The following PVT1 variants were observed in gnomAD, a reference collection of about 807,000 sequenced individuals.
The protein encoded by PVT1 is Pvt1 oncogene.
chr8:127,959,821 G>T (rs74365099), intron 3 of PVT1, among the ~76,000 whole-genome samples: 2,715 of 152,224 alleles, frequency 0.018, 80 homozygotes, highest in African/African-American at 0.063. Context: ...CCCGTCAGGA[G>T]CCCCTGGGTG....
At chr8:127,876,741 A>ACT (rs1815409663) in intron 2 of PVT1, among the ~76,000 whole-genome samples, 1 of 151,666 alleles carries the variant, frequency 6.6e-6, no homozygotes, top group Non-Finnish European at 1.5e-5. Context: ...GTTTTCCACA[A>ACT]CTCCTGTCCT....
At chr8:127,976,617 G>A (rs990234070) in intron 3 of PVT1, among the ~76,000 whole-genome samples, 5 of 152,144 alleles carry the variant, frequency 3.3e-5, no homozygotes, top group African/African-American at 1.2e-4. Context: ...AATAACACCG[G>A]CACCTACTTA....
intron 3 of PVT1, chr8:127,947,240 T>C (rs1816432418): frequency 5.5e-6 from 1 of 180,700 alleles, no homozygotes; most frequent in Non-Finnish European, 1.2e-5. Context: ...TTAAATGGGT[T>C]CAGCACCATG....
chr8:127,821,180 T>A (rs906533476), intron 2 of PVT1, among the ~76,000 whole-genome samples: 3 of 152,180 alleles, frequency 2.0e-5, no homozygotes, highest in Non-Finnish European at 1.5e-5. Context: ...CCCGTCCGCA[T>A]TTTTAACGTG....
At chr8:128,001,818 G>T (rs147573628) in intron 4 of PVT1, among the ~76,000 whole-genome samples, 1 of 152,116 alleles carries the variant, frequency 6.6e-6, no homozygotes, top group Non-Finnish European at 1.5e-5. Context: ...TCTTCTTACC[G>T]CGTCCTCACA....
chr8:127,943,981 A>G (rs1816386301), intron 3 of PVT1, among the ~76,000 whole-genome samples: 1 of 152,224 alleles, frequency 6.6e-6, no homozygotes, highest in Non-Finnish European at 1.5e-5. Context: ...AAGAGGCAAG[A>G]TAGTCTAGTG....
chr8:128,007,304 C>T (rs1305014785), intron 4 of PVT1, among the ~76,000 whole-genome samples: 4 of 152,072 alleles, frequency 2.6e-5, no homozygotes, highest in Non-Finnish European at 5.9e-5. Flanking sequence ...AATTTCCTGA[C>T]ACAGTTAAAT....
intron 3 of PVT1, among the ~76,000 whole-genome samples, chr8:127,963,355 G>A (rs1158011197): frequency 6.6e-6 from 1 of 152,148 alleles, no homozygotes; most frequent in African/African-American, 2.4e-5. Flanking sequence ...TTCTCTCAGT[G>A]TCTGACACCT....
At chr8:127,868,808 T>TAC (rs370138674) in intron 2 of PVT1, among the ~76,000 whole-genome samples, 15 of 110,442 alleles carry the variant, frequency 1.4e-4, no homozygotes, top group African/African-American at 3.7e-4. Flanking sequence ...TATATGTACA[T>TAC]ATATATATAT....
intron 4 of PVT1, among the ~76,000 whole-genome samples, chr8:128,036,378 T>C (rs945543069): frequency 6.6e-6 from 1 of 152,226 alleles, no homozygotes; most frequent in Non-Finnish European, 1.5e-5. Flanking sequence ...TTACCTCTTG[T>C]ACCTCGTCAT....
chr8:128,075,443 CT>C (rs34232440), intron 5 of PVT1, among the ~76,000 whole-genome samples: 35,760 of 151,552 alleles, frequency 0.24, 4,450 homozygotes, highest in East Asian at 0.39. Context: ...CTATTTTCTC[CT>C]TTTTTTAAAA....
At chr8:127,855,545 G>A (rs1052351639) in intron 2 of PVT1, among the ~76,000 whole-genome samples, 3 of 152,326 alleles carry the variant, frequency 2.0e-5, no homozygotes, top group African/African-American at 7.2e-5. Flanking sequence ...TGTTTCTAAA[G>A]TGTAGCCCCT....
intron 5 of PVT1, among the ~76,000 whole-genome samples, chr8:128,080,048 C>A (rs1321164294): frequency 6.6e-6 from 1 of 152,188 alleles, no homozygotes; most frequent in Non-Finnish European, 1.5e-5. Context: ...CCCTCCATGT[C>A]TTTTCATAGC....
At position 127,817,357 on chromosome 8, in the gene PVT1, A is replaced by G. The variant is rs150841585; in HGVS notation, n.372+21286A>G. ...TGTCTGTGAATTGAGTCTGTTACAT[A>G]TATATATATCTATTTAAATATATAT... On this transcript the variant is annotated intron_variant and non_coding_transcript_variant, in intron 2 of 10. Coordinates refer to ENST00000651587, the Ensembl canonical transcript of PVT1. Among the ~76,000 whole-genome samples, 22 of 128,030 alleles carry G rather than the reference A, an allele frequency of 1.7e-4. No homozygotes were observed. The East Asian group carries it at 4.1e-3, about 24-fold the overall frequency. The allele number at this position is 128,030 out of a possible 152,430, so 84.0% of individuals were successfully genotyped here.
chr8:128,045,870 C>T (rs989039780), intron 4 of PVT1, among the ~76,000 whole-genome samples: 2 of 152,140 alleles, frequency 1.3e-5, no homozygotes, highest in African/African-American at 4.8e-5. Context: ...TTGGAATTGC[C>T]TAGAGGATTT....
intron 4 of PVT1, among the ~76,000 whole-genome samples, chr8:128,051,693 C>G (rs1384047416): frequency 6.6e-6 from 1 of 151,758 alleles, no homozygotes; most frequent in Non-Finnish European, 1.5e-5. Context: ...CTCATTGATT[C>G]CATCTTCTGG....
intron 2 of PVT1, among the ~76,000 whole-genome samples, chr8:127,831,776 T>G (rs1814853374): frequency 1.3e-5 from 2 of 152,336 alleles, no homozygotes; most frequent in African/African-American, 4.8e-5. Flanking sequence ...CAGAAGTGAC[T>G]GTTAGATTTG....
At chr8:128,058,701 A>G (rs577227979) in intron 4 of PVT1, among the ~76,000 whole-genome samples, 2 of 152,332 alleles carry the variant, frequency 1.3e-5, no homozygotes, top group African/African-American at 4.8e-5. Flanking sequence ...TTATGAGGAC[A>G]TATTCCCATA....
intron 3 of PVT1, among the ~76,000 whole-genome samples, chr8:127,926,057 A>G (rs573756452): frequency 6.6e-6 from 1 of 151,714 alleles, no homozygotes; most frequent in Non-Finnish European, 1.5e-5. Flanking sequence ...AAAAGGTGGG[A>G]CTCTCTGCAG....
Sources: allele counts gnomAD v4.1 joint callset (sites outside exome capture counted in the v4.1 genomes callset), GRCh38; gene constraint gnomAD v4.1.1; transcripts MANE v1.5; gene names NCBI Gene and HGNC (gene_info 2026-07-23, HGNC 2026-07-21).